The following CHN2 variants were observed in gnomAD, a reference collection of about 807,000 sequenced individuals.
CHN2 encodes the protein beta-chimaerin.
Under a neutral mutation model 56.3 loss-of-function variants are expected in CHN2, and 35 were observed. The ratio of observed to expected loss-of-function variants is 0.62; its 90% CI spans 0.47 to 0.82. The LOEUF is 0.82. Ranked by LOEUF, CHN2 falls within the 40% of genes least tolerant of loss-of-function variation. The probability of loss-of-function intolerance (pLI) is 0.00; values close to 1 mark genes in which losing one functional copy is unlikely to be tolerated. For missense variants in CHN2, 491 were observed against 580.5 expected (o/e 0.85, Z 1.58); for synonymous variants, 210 against 212.8 (o/e 0.99, Z 0.12).
chr7:29,287,554 C>G (rs1792252660), intron 1 of CHN2, among the ~76,000 whole-genome samples: 1 of 152,166 alleles, frequency 6.6e-6, no homozygotes, highest in Non-Finnish European at 1.5e-5. Flanking sequence ...CTGAGAACAG[C>G]ACCCAGCATT....
intron 2 of CHN2, among the ~76,000 whole-genome samples, chr7:29,156,636 A>T (rs1264875549): frequency 1.3e-5 from 2 of 152,176 alleles, no homozygotes; most frequent in African/African-American, 4.8e-5. Flanking sequence ...CTCTTTAGAT[A>T]TCTATAAACG....
intron 3 of CHN2, among the ~76,000 whole-genome samples, chr7:29,385,046 G>C (rs1263436574): frequency 6.6e-6 from 1 of 152,124 alleles, no homozygotes; most frequent in African/African-American, 2.4e-5. Context: ...TTTTTCCAGG[G>C]AGGGAGGAGG....
rs11405147 is a variant in CHN2, at chr7:29,238,015, C to CTTTTT, written c.49+43042_49+43046dup. ...ACACTCATACTTTAATATGTATTCT[C>CTTTTT]TTTTTTTTTTTTTTTTTTTTTAGAA... On this transcript the variant is annotated intron_variant, in intron 1 of 12. Transcript: ENST00000222792. Among the ~76,000 whole-genome samples, 596 of 105,944 alleles carry CTTTTT rather than the reference C, an allele frequency of 5.6e-3. 18 individuals are homozygous for CTTTTT. Among genetic ancestry groups the CTTTTT allele is most frequent in the Middle Eastern group, 0.012 (2 of 164 alleles). The allele number at this position is 105,944 out of a possible 152,430, so 69.5% of individuals were successfully genotyped here.
chr7:29,195,629 A>T (rs12700941), intron 1 of CHN2, among the ~76,000 whole-genome samples: 21,421 of 117,224 alleles, frequency 0.18, 2,349 homozygotes, highest in Middle Eastern at 0.25. Flanking sequence ...AGAGAGAGAG[A>T]GTGTGTGTGT....
intron 1 of CHN2, among the ~76,000 whole-genome samples, chr7:29,256,379 G>GTTCT (rs1382801847): frequency 6.6e-6 from 1 of 152,212 alleles, no homozygotes; most frequent in African/African-American, 2.4e-5. Flanking sequence ...GATTTCAAGT[G>GTTCT]TTCTTTCTTG....
chr7:29,244,614 G>A (rs1444176222), intron 1 of CHN2, among the ~76,000 whole-genome samples: 1 of 152,202 alleles, frequency 6.6e-6, no homozygotes, highest in Admixed American at 6.5e-5. Context: ...GAAGAAGGAA[G>A]TGGTGTACGT....
intron 6 of CHN2, among the ~76,000 whole-genome samples, chr7:29,424,452 G>A (rs935373788): frequency 1.3e-5 from 2 of 152,078 alleles, no homozygotes; most frequent in Non-Finnish European, 2.9e-5. Flanking sequence ...TTCCCCTGTC[G>A]GAGTTAGGTG....
intron 6 of CHN2, among the ~76,000 whole-genome samples, chr7:29,438,093 T>C (rs1351005896): frequency 6.6e-6 from 1 of 152,222 alleles, no homozygotes; most frequent in Non-Finnish European, 1.5e-5. Flanking sequence ...GTGATGTCTG[T>C]CATGGATACT....
chr7:29,324,192 G>C (rs961645068), intron 1 of CHN2, among the ~76,000 whole-genome samples: 1 of 152,152 alleles, frequency 6.6e-6, no homozygotes, highest in African/African-American at 2.4e-5. Flanking sequence ...CCCATCTTAG[G>C]TTCTACAATA....
intron 2 of CHN2, among the ~76,000 whole-genome samples, chr7:29,162,244 C>T (rs141853766): frequency 1.4e-4 from 22 of 152,206 alleles, no homozygotes; most frequent in African/African-American, 2.2e-4. Flanking sequence ...AGCCAAAAAC[C>T]GGAAATGACC....
chr7:29,160,689 T>C (rs942956217), intron 2 of CHN2, among the ~76,000 whole-genome samples: 2 of 152,186 alleles, frequency 1.3e-5, no homozygotes, highest in African/African-American at 4.8e-5. Flanking sequence ...TGCCTGGTGC[T>C]GTGGTAGCCA....
chr7:29,321,570 CTTTTTTTTTTTT>C (rs59651474), intron 1 of CHN2, among the ~76,000 whole-genome samples: 1 of 128,188 alleles, frequency 7.8e-6, no homozygotes, highest in African/African-American at 2.9e-5. Flanking sequence ...TTCTTTCTTT[CTTTTTTTTTTTT>C]TTTTTGAGAT....
At chr7:29,459,262 C>T (rs1248260576) in intron 6 of CHN2, among the ~76,000 whole-genome samples, 2 of 152,184 alleles carry the variant, frequency 1.3e-5, no homozygotes, top group Non-Finnish European at 2.9e-5. Context: ...GAAAAACTGT[C>T]ATGTTTCTTC....
intron 12 of CHN2, 35 bp downstream of exon 12, chr7:29,509,441 C>A: frequency 6.6e-7 from 1 of 1,506,176 alleles, no homozygotes; most frequent in Non-Finnish European, 9.2e-7. Flanking sequence ...GCCTGCTCTG[C>A]TCCTAGAGCG....
intron 1 of CHN2, among the ~76,000 whole-genome samples, chr7:29,227,611 C>T (rs904094018): frequency 6.6e-6 from 1 of 152,142 alleles, no homozygotes; most frequent in Non-Finnish European, 1.5e-5. Flanking sequence ...TGGATTTGAA[C>T]TGTAGTCATT....
chr7:29,405,939 G>A (rs918992232), intron 6 of CHN2, among the ~76,000 whole-genome samples: 1 of 152,146 alleles, frequency 6.6e-6, no homozygotes, highest in Non-Finnish European at 1.5e-5. Flanking sequence ...GCCGTGGCCA[G>A]GCCAAGGAGT....
intron 6 of CHN2, 111 bp downstream of exon 6, chr7:29,400,939 C>T (rs181715325): frequency 6.6e-6 from 7 of 1,063,784 alleles, no homozygotes; most frequent in Admixed American, 2.5e-5. Flanking sequence ...CACCCCCACC[C>T]GAAGAACTCT....
chr7:29,481,479 C>G (rs528741462), intron 7 of CHN2, among the ~76,000 whole-genome samples: 6 of 152,206 alleles, frequency 3.9e-5, no homozygotes, highest in African/African-American at 1.2e-4. Flanking sequence ...TTTTAGAAAG[C>G]CAGCAGCTCA....
intron 1 of CHN2, among the ~76,000 whole-genome samples, chr7:29,239,943 A>T (rs1291736209): frequency 6.6e-6 from 1 of 152,226 alleles, no homozygotes; most frequent in Non-Finnish European, 1.5e-5. Flanking sequence ...TTTTAAAAAA[A>T]TGCATAATCT....
Sources: gnomAD v4.1 joint callset for allele counts (sites outside exome capture counted in the v4.1 genomes callset) on GRCh38, gnomAD v4.1.1 for gene constraint, MANE v1.5 for transcripts, NCBI Gene and HGNC (gene_info 2026-07-23, HGNC 2026-07-21) for gene names.